Variants in GUCY2C observed in about 807,000 individuals in gnomAD.
GUCY2C encodes guanylyl cyclase C.
A neutral mutation model predicts 131.1 loss-of-function variants in GUCY2C; 118 were observed. The observed-to-expected ratio is 0.90, with a 90% CI of 0.78 to 1.05. GUCY2C has a LOEUF of 1.05. Ranked by LOEUF, GUCY2C falls within the 50% of genes least tolerant of loss-of-function variation. The pLI, the probability that GUCY2C is intolerant of heterozygous loss-of-function variation, is 0.00. For synonymous variants in GUCY2C, 452 were observed against 457.8 expected, an observed-to-expected ratio of 0.99 and a Z score of 0.16; for missense variants, 1,161 against 1,304.4, an observed-to-expected ratio of 0.89 and a Z score of 1.69.
At chr12:14,671,215 G>T (rs1246867872) in intron 9 of GUCY2C, among the ~76,000 whole-genome samples, 2 of 152,178 alleles carry the variant, frequency 1.3e-5, no homozygotes, top group East Asian at 3.9e-4. Flanking sequence ...TTTTCTTTCT[G>T]CAACCTCTGC....
chr12:14,646,020 G>A (rs1475101306), intron 15 of GUCY2C, among the ~76,000 whole-genome samples: 2 of 152,020 alleles, frequency 1.3e-5, no homozygotes, highest in African/African-American at 4.8e-5. Context: ...ATTTTTACTA[G>A]AGACGGGGTT....
chr12:14,616,273 G>C (rs771975593), intron 25 of GUCY2C, among the ~76,000 whole-genome samples: 3 of 152,128 alleles, frequency 2.0e-5, no homozygotes, highest in Non-Finnish European at 4.4e-5. Context: ...GATCATAGCA[G>C]CAGTGTGTAG....
chr12:14,651,332 C>T (rs1466447604), intron 15 of GUCY2C, 75 bp downstream of exon 15: 1 of 754,552 alleles, frequency 1.3e-6, no homozygotes, highest in Non-Finnish European at 2.3e-6. Flanking sequence ...TATTATTTTA[C>T]TCGGTAAATA....
intron 15 of GUCY2C, 85 bp from the exon 16 acceptor site, chr12:14,645,400 C>T: frequency 1.5e-6 from 1 of 679,270 alleles, no homozygotes; most frequent in East Asian, 2.7e-5. Flanking sequence ...TAATGATCTT[C>T]AAATTATGAA....
intron 19 of GUCY2C, among the ~76,000 whole-genome samples, chr12:14,630,524 A>G (rs1467968813): frequency 6.6e-6 from 1 of 152,220 alleles, no homozygotes; most frequent in South Asian, 2.1e-4. Context: ...TTCCCTAAAC[A>G]ATACAGTACC....
chr12:14,658,889 ATAAC>A (rs1351055178), intron 11 of GUCY2C, among the ~76,000 whole-genome samples: 2 of 151,260 alleles, frequency 1.3e-5, no homozygotes, highest in African/African-American at 4.8e-5. Flanking sequence ...AATAATAAAA[ATAAC>A]TATTTTCATT....
At chr12:14,645,743 C>CTT (rs376520937) in intron 15 of GUCY2C, among the ~76,000 whole-genome samples, 2 of 144,448 alleles carry the variant, frequency 1.4e-5, no homozygotes, top group African/African-American at 2.5e-5. Context: ...CTTAATTGCT[C>CTT]TTTTTTTTTT....
chr12:14,687,073 G>T lies in GUCY2C; in HGVS notation c.331-848C>A, dbSNP rs529449598. ...CCTTAAAGCTCTGGTTGGGATTGGGGTTTGGGGATTAGGAGGAGGAACTAG... is the reference window on the plus strand; with the variant it reads ...CCTTAAAGCTCTGGTTGGGATTGGGTTTTGGGGATTAGGAGGAGGAACTAG... On this transcript the variant is annotated intron_variant, in intron 2 of 26. Transcript: ENST00000261170. 1.1e-3 allele frequency among the ~76,000 whole-genome samples: 173 copies of T among 152,246 alleles called. 1 individual carries two copies. The highest frequency in any genetic ancestry group is 4.0e-3 in the African/African-American group (166 of 41,540).
rs73312057 is a variant in GUCY2C, at chr12:14,645,124, A to G, written c.1797+105T>C. ...ACAACCCTATGACATAGCTATTATT[A>G]TCATTTTACAGATGAAGAAACCAAT... On this transcript the variant is annotated intron_variant, in intron 16 of 26. Transcript: ENST00000261170. The G allele has an allele frequency of 5.0e-3, 3,353 of 665,840 alleles. 96 individuals are homozygous for G. In the African/African-American group the frequency reaches 0.051, roughly 10 times the overall value. 41.2% of individuals were successfully genotyped at this position (665,840 alleles called of 1,614,324 possible).
intron 1 of GUCY2C, among the ~76,000 whole-genome samples, chr12:14,694,501 A>G (rs376119413): frequency 3.5e-4 from 54 of 152,244 alleles, no homozygotes; most frequent in African/African-American, 1.3e-3. Flanking sequence ...GCTCAGGGAG[A>G]CTAACCCAGG....
intron 2 of GUCY2C, among the ~76,000 whole-genome samples, chr12:14,687,677 T>A (rs1444469260): frequency 2.0e-5 from 3 of 152,044 alleles, no homozygotes; most frequent in Admixed American, 2.0e-4. Context: ...TTAAAACAAT[T>A]TAAAGCAAAA....
rs773256812 is a variant in GUCY2C at position 14,651,524 on chromosome 12, G to GTTTGC, written c.1606-14_1606-13insGCAAA. On this transcript the variant is annotated splice_polypyrimidine_tract_variant and intron_variant, in intron 14 of 26. Transcript: ENST00000261170. ...CAATCTGAAGCAACTAGAAGAACGT[G>GTTTGC]TTTGTTTACAAAGCAAATTAGGCAG... The GTTTGC allele has an allele frequency of 4.8e-6, 7 of 1,457,214 alleles. No homozygotes were observed. In the East Asian group the frequency reaches 1.4e-4, roughly 28 times the overall value. The allele number at this position is 1,457,214 out of a possible 1,614,324, so 90.3% of individuals were successfully genotyped here.
At chr12:14,680,459 T>C (rs1295069284) in intron 5 of GUCY2C, among the ~76,000 whole-genome samples, 1 of 152,182 alleles carries the variant, frequency 6.6e-6, no homozygotes, top group African/African-American at 2.4e-5. Flanking sequence ...CATATCTTGG[T>C]TAATGTTTTT....
Position 14,625,786 on chromosome 12 carries a change from AG to A in GUCY2C, c.2378del (p.Ala793ValfsTer12). The A allele has an allele frequency of 6.2e-7, 1 of 1,614,056 alleles. No individual in the cohort carries two copies. The highest frequency in any genetic ancestry group is 1.1e-5 in the South Asian group (1 of 91,080). On this transcript the variant is annotated frameshift_variant, in exon 21 of 27. Coordinates refer to ENST00000261170, the MANE Select transcript of GUCY2C (RefSeq NM_004963.4). LOFTEE classifies it high-confidence loss of function. The part of the protein sequence containing the change: ...TQLYKAERDR[A>X]DRLNFMLLPR... The stretch of plus-strand genomic sequence containing the variant: ...GAAGCAACATAAAGTTAAGTCTGTC[AG>A]CCCTGTCCCTCTCTGCCTTGTACAG...
chr12:14,647,766 A>C (rs1947551439), intron 15 of GUCY2C, among the ~76,000 whole-genome samples: 1 of 152,026 alleles, frequency 6.6e-6, no homozygotes, highest in Non-Finnish European at 1.5e-5. Flanking sequence ...TAAAAATATT[A>C]AGGAGGATTT....
At position 14,656,514 on chromosome 12, in the gene GUCY2C, T is replaced by G; in HGVS notation, c.1468A>C (p.Lys490Gln). 1 of 1,530,066 alleles carries G rather than the reference T, an allele frequency of 6.5e-7. No homozygotes were observed. Among genetic ancestry groups the G allele is most frequent in the Non-Finnish European group, 9.1e-7 (1 of 1,104,262 alleles). 94.8% of individuals were successfully genotyped at this position (1,530,066 alleles called of 1,614,324 possible). ...ETNETNHVSLKIDDDKRRDTI... is the reference protein window; with the variant it reads ...ETNETNHVSLQIDDDKRRDTI... ...TCAACAGGTAAGGTAGGCTTTACCT[T>G]GAGGCTAACATGATTGGTCTCATTG... The change falls in exon 12 of 27, where the codon AAG becomes CAG. Residue 490 changes from lysine to glutamine, a missense_variant and splice_region_variant. Physicochemically the swap from Lys to Gln is moderately conservative, Grantham distance 53. Transcript: ENST00000261170.
At chr12:14,647,088 T>C (rs1947537201) in intron 15 of GUCY2C, among the ~76,000 whole-genome samples, 1 of 152,124 alleles carries the variant, frequency 6.6e-6, no homozygotes, top group African/African-American at 2.4e-5. Context: ...AAAGAACCTT[T>C]TGTGGAAGAG....
chr12:14,613,103 T>C lies in GUCY2C; in HGVS notation c.*14A>G. On this transcript the variant is annotated 3_prime_UTR_variant, in exon 27 of 27. Transcript: ENST00000261170. This position sits in a 1 kb window ranked among gnomAD's most constrained non-coding sequence, Gnocchi z 4.9. ...GTATTTTAATTTGTGTGAGTCCTTATACCTCATTTAGGTTTAAAAATAGGT... is the reference window on the plus strand; with the variant it reads ...GTATTTTAATTTGTGTGAGTCCTTACACCTCATTTAGGTTTAAAAATAGGT... 1.2e-6 allele frequency: 2 copies of C among 1,603,678 alleles called. No homozygotes were observed. Among genetic ancestry groups the C allele is most frequent in the Non-Finnish European group, 1.7e-6 (2 of 1,170,848 alleles).
Position 14,616,675 on chromosome 12 carries a change from C to T in GUCY2C, c.2928G>A (p.Glu976=). 3.1e-6 allele frequency: 5 copies of T among 1,606,956 alleles called. No homozygotes were observed. Among genetic ancestry groups the T allele is most frequent in the Non-Finnish European group, 4.3e-6 (5 of 1,173,644 alleles). Residue 976 remains glutamate, a synonymous_variant, in exon 25 of 27, where the codon GAG becomes GAA. Coordinates refer to ENST00000261170, the MANE Select transcript of GUCY2C (RefSeq NM_004963.4). ...CTCTCACTTCATAAAGGAACTGGCACTCAGTTCTCTTCAGGATGGCTATGG... is the reference window on the plus strand; with the variant it reads ...CTCTCACTTCATAAAGGAACTGGCATTCAGTTCTCTTCAGGATGGCTATGG... ...GSTIAILKRT[E]CQFLYEVRGE... is the part of the protein sequence containing the mutation.
Sources: allele counts gnomAD v4.1 joint callset (sites outside exome capture counted in the v4.1 genomes callset), GRCh38; gene constraint gnomAD v4.1.1; non-coding constraint Gnocchi (gnomAD v3.1); transcripts MANE v1.5; gene names NCBI Gene and HGNC (gene_info 2026-07-23, HGNC 2026-07-21).